Variants in SPOCK3 observed in about 807,000 individuals in gnomAD.
The protein encoded by SPOCK3 is testican-3.
In SPOCK3, 30 loss-of-function variants were observed where a neutral mutation model predicts 56.6. That is an observed-to-expected ratio of 0.53 (90% CI 0.40 to 0.72). The LOEUF is 0.72. Among genes scored for constraint, SPOCK3 ranks in the 30% least tolerant of loss-of-function variants. The pLI, the probability that SPOCK3 is intolerant of heterozygous loss-of-function variation, is 0.00. For missense variants in SPOCK3, 527 were observed against 530.0 expected (o/e 0.99, Z 0.06); for synonymous variants, 196 against 183.3 (o/e 1.07, Z -0.56).
rs555037606 is a variant in SPOCK3 at position 166,739,390 on chromosome 4, A to C, written c.995-1786T>G. On this transcript the variant is annotated intron_variant, in intron 9 of 10. Transcript: ENST00000357545. ...TGAGTGGCTGAGATTACAGGCATGCACCACCACACCAAGGTAATTTTTGTG... is the reference window on the plus strand; with the variant it reads ...TGAGTGGCTGAGATTACAGGCATGCCCCACCACACCAAGGTAATTTTTGTG... Among the ~76,000 whole-genome samples the C allele has an allele frequency of 2.6e-5, 4 of 152,016 alleles. No homozygotes were observed. In the South Asian group the frequency reaches 8.3e-4, roughly 32 times the overall value.
chr4:166,864,266 G>A (rs1401189919), intron 6 of SPOCK3, among the ~76,000 whole-genome samples: 1 of 152,068 alleles, frequency 6.6e-6, no homozygotes, highest in Non-Finnish European at 1.5e-5. Context: ...AGAATCTCTA[G>A]GACACAGCTA....
chr4:167,206,067 A>G (rs1391662914), intron 2 of SPOCK3, among the ~76,000 whole-genome samples: 2 of 152,076 alleles, frequency 1.3e-5, no homozygotes, highest in Non-Finnish European at 1.5e-5. Context: ...TTAAAGAAGT[A>G]TGTTTATGAA....
intron 7 of SPOCK3, among the ~76,000 whole-genome samples, chr4:166,761,921 AAG>A (rs1553964193): frequency 6.6e-6 from 1 of 150,860 alleles, no homozygotes; most frequent in East Asian, 2.0e-4. Flanking sequence ...AAAAAAAAAA[AAG>A]AGATTTGGGG....
Position 166,950,698 on chromosome 4 carries a change from CAGCAAATGTAAA to C in SPOCK3, c.351-37967_351-37956del, listed in dbSNP as rs1191068559. Among the ~76,000 whole-genome samples the C allele has an allele frequency of 8.3e-4, 124 of 149,050 alleles. 1 individual carries two copies. The highest frequency in any genetic ancestry group is 2.9e-3 in the African/African-American group (113 of 39,088). Reference sequence around the variant, plus strand: ...ACATACTTGGAAGTAAAGCTCTCCTCAGCAAATGTAAAAGAACAGAGATTATAACAAACTATC... The same window carrying C: ...ACATACTTGGAAGTAAAGCTCTCCTCAGAACAGAGATTATAACAAACTATC... On this transcript the variant is annotated intron_variant, in intron 4 of 10. Transcript: ENST00000357545.
At chr4:167,156,293 G>A (rs778318462) in intron 2 of SPOCK3, among the ~76,000 whole-genome samples, 2 of 152,146 alleles carry the variant, frequency 1.3e-5, no homozygotes, top group African/African-American at 2.4e-5. Flanking sequence ...AGGGTGCAAT[G>A]ATGATAATTC....
At chr4:166,923,242 G>T (rs1738701809) in intron 4 of SPOCK3, among the ~76,000 whole-genome samples, 1 of 152,098 alleles carries the variant, frequency 6.6e-6, no homozygotes, top group Non-Finnish European at 1.5e-5. Flanking sequence ...TCTCTTATAA[G>T]GATACATGTG....
chr4:166,834,215 T>C (rs992637324), intron 6 of SPOCK3, among the ~76,000 whole-genome samples: 2 of 152,114 alleles, frequency 1.3e-5, no homozygotes, highest in Admixed American at 1.3e-4. Flanking sequence ...GATTGCAAAC[T>C]CTCTTTGTTT....
intron 2 of SPOCK3, among the ~76,000 whole-genome samples, chr4:167,160,445 T>C (rs1180196898): frequency 3.3e-5 from 5 of 152,070 alleles, no homozygotes; most frequent in Admixed American, 6.6e-5. Context: ...AGAATCAATA[T>C]CGTGAAGATG....
intron 3 of SPOCK3, among the ~76,000 whole-genome samples, chr4:167,059,548 T>C (rs1354781194): frequency 2.6e-5 from 4 of 152,204 alleles, no homozygotes; most frequent in East Asian, 1.9e-4. Context: ...TTTTACACTG[T>C]TGTTGGGACT....
Position 167,087,853 on chromosome 4 carries a change from A to G in SPOCK3, c.190-25316T>C, listed in dbSNP as rs370653476. Among the ~76,000 whole-genome samples the G allele has an allele frequency of 2.6e-4, 40 of 152,302 alleles. 1 individual carries two copies. Among genetic ancestry groups the G allele is most frequent in the African/African-American group, 8.2e-4 (34 of 41,588 alleles). On this transcript the variant is annotated intron_variant, in intron 2 of 10. Coordinates refer to ENST00000357545, the MANE Select transcript of SPOCK3 (RefSeq NM_001040159.2). Reference sequence around the variant, plus strand: ...ATCATTTATTTATAATCTAAATAAAAGCCTTCTGCCTTTAGCTATCAGAAT... The same window carrying G: ...ATCATTTATTTATAATCTAAATAAAGGCCTTCTGCCTTTAGCTATCAGAAT...
At chr4:166,768,506 A>G (rs1313672694) in intron 7 of SPOCK3, among the ~76,000 whole-genome samples, 2 of 152,300 alleles carry the variant, frequency 1.3e-5, no homozygotes, top group Middle Eastern at 3.4e-3. Flanking sequence ...AGAATGTTGA[A>G]TATTGGCCCC....
intron 2 of SPOCK3, among the ~76,000 whole-genome samples, chr4:167,220,509 C>A (rs2111096599): frequency 6.6e-6 from 1 of 151,112 alleles, no homozygotes; most frequent in African/African-American, 2.4e-5. Context: ...TCTTGAATAG[C>A]TGGGACAATA....
chr4:167,114,430 A>G (rs1428604864), intron 2 of SPOCK3, among the ~76,000 whole-genome samples: 2 of 152,180 alleles, frequency 1.3e-5, no homozygotes, highest in African/African-American at 2.4e-5. Context: ...GATGAAATTC[A>G]GGGATCCTAA....
intron 6 of SPOCK3, among the ~76,000 whole-genome samples, chr4:166,806,067 T>C (rs1213284562): frequency 6.6e-6 from 1 of 152,064 alleles, no homozygotes; most frequent in East Asian, 1.9e-4. Context: ...AAAAGCAATG[T>C]TGAAAAAAAT....
At chr4:166,816,367 T>C (rs1444078056) in intron 6 of SPOCK3, among the ~76,000 whole-genome samples, 1 of 152,104 alleles carries the variant, frequency 6.6e-6, no homozygotes, top group African/African-American at 2.4e-5. Context: ...CCTAGGTAAT[T>C]GGTGCTAAAT....
rs188068755 is a variant in SPOCK3, at chr4:166,914,846, C to T, written c.351-2103G>A. Among the ~76,000 whole-genome samples the T allele has an allele frequency of 3.3e-5, 5 of 152,220 alleles. No homozygotes were observed. In the East Asian group the frequency reaches 9.7e-4, roughly 29 times the overall value. ...TCTTAAAAAGTAAAATTGTAATGTA[C>T]TTGTAAAATAGATTTTGAAGTAAAA... On this transcript the variant is annotated intron_variant, in intron 4 of 10. Coordinates refer to ENST00000357545, the MANE Select transcript of SPOCK3 (RefSeq NM_001040159.2).
chr4:167,210,532 C>T (rs912384942), intron 2 of SPOCK3, among the ~76,000 whole-genome samples: 2 of 152,052 alleles, frequency 1.3e-5, no homozygotes, highest in African/African-American at 4.8e-5. Context: ...TACTGACATG[C>T]TTTCAATCTC....
chr4:166,882,091 T>C (rs976649209), intron 6 of SPOCK3, among the ~76,000 whole-genome samples: 1 of 152,168 alleles, frequency 6.6e-6, no homozygotes, highest in African/African-American at 2.4e-5. Context: ...ATAATTATTA[T>C]TTGTCTCCTT....
At chr4:166,792,375 AG>A in intron 6 of SPOCK3, 86 bp from the exon 7 acceptor site, 10 of 1,436,054 alleles carry the variant, frequency 7.0e-6, no homozygotes, top group Non-Finnish European at 9.6e-6. Flanking sequence ...ATAAACTGAA[AG>A]GTAAGAACGA....
Sources: allele counts gnomAD v4.1 joint callset (sites outside exome capture counted in the v4.1 genomes callset), GRCh38; gene constraint gnomAD v4.1.1; transcripts MANE v1.5; gene names NCBI Gene and HGNC (gene_info 2026-07-23, HGNC 2026-07-21).